Variants in ARHGEF4 observed in about 807,000 individuals in gnomAD.
The protein encoded by ARHGEF4 is APC-stimulated guanine nucleotide exchange factor 1.
Under a neutral mutation model 162.0 loss-of-function variants are expected in ARHGEF4, and 119 were observed. The ratio of observed to expected loss-of-function variants is 0.73; its 90% confidence interval spans 0.63 to 0.86. ARHGEF4 has a LOEUF of 0.86. Ranked by LOEUF, ARHGEF4 falls within the 40% of genes least tolerant of loss-of-function variation. The probability of loss-of-function intolerance (pLI) is 0.00; values close to 1 mark genes in which losing one functional copy is unlikely to be tolerated. For synonymous variants in ARHGEF4, 1,014 were observed against 979.9 expected, an observed-to-expected ratio of 1.03 and a Z score of -0.65; for missense variants, 2,488 against 2,456.0, an observed-to-expected ratio of 1.01 and a Z score of -0.28.
chr2:130,918,555 C>T (rs1312405942), intron 2 of ARHGEF4, among the ~76,000 whole-genome samples: 2 of 152,236 alleles, frequency 1.3e-5, no homozygotes, highest in Non-Finnish European at 2.9e-5. Flanking sequence ...CTCTCGGGCG[C>T]TCCCCTCCGC....
At chr2:130,852,896 C>T (rs1040388377) in intron 1 of ARHGEF4, among the ~76,000 whole-genome samples, 1 of 152,202 alleles carries the variant, frequency 6.6e-6, no homozygotes, top group African/African-American at 2.4e-5. Context: ...ACAAGGGCAG[C>T]CTTGGCAGCT....
chr2:131,011,434 G>A (rs1266241238), intron 4 of ARHGEF4, among the ~76,000 whole-genome samples: 1 of 152,150 alleles, frequency 6.6e-6, no homozygotes, highest in Non-Finnish European at 1.5e-5. Flanking sequence ...GACAGTGTCA[G>A]GGTTGGTAGG....
At chr2:130,912,729 T>G (rs866851668) in intron 1 of ARHGEF4, among the ~76,000 whole-genome samples, 4 of 151,866 alleles carry the variant, frequency 2.6e-5, no homozygotes, top group South Asian at 2.1e-4. Context: ...TGCACAGCAG[T>G]TTGTCAGAGT....
intron 5 of ARHGEF4, among the ~76,000 whole-genome samples, chr2:131,029,172 C>A (rs6720876): frequency 0.016 from 2,448 of 152,102 alleles, 72 homozygotes; most frequent in African/African-American, 0.055. Flanking sequence ...ACCAGCCTGG[C>A]CAACACTGAA....
Position 130,914,336 on chromosome 2 carries a change from A to C in ARHGEF4, c.390A>C (p.Glu130Asp), listed in dbSNP as rs1681365615. The change falls in exon 2 of 14, where the codon GAA becomes GAC. Residue 130 changes from glutamate (E) to aspartate (D), a missense_variant. Glu to Asp is a conservative substitution (Grantham distance 45). Transcript: ENST00000409359. Reference protein sequence around the residue: ...TSVPGLHAKEELDLSPSLEDD... With the variant: ...TSVPGLHAKEDLDLSPSLEDD... ...TTCCTGGGCTTCATGCAAAGGAAGA[A>C]CTCGATTTGTCCCCTAGCTTAGAGG... 7.5e-6 allele frequency: 11 copies of C among 1,470,624 alleles called. No homozygotes were observed. Among genetic ancestry groups the C allele is most frequent in the Non-Finnish European group, 7.2e-6 (8 of 1,115,974 alleles). The allele number at this position is 1,470,624 out of a possible 1,614,324, so 91.1% of individuals were successfully genotyped here.
chr2:130,872,126 A>G (rs529709489), intron 1 of ARHGEF4, among the ~76,000 whole-genome samples: 1 of 152,374 alleles, frequency 6.6e-6, no homozygotes, highest in African/African-American at 2.4e-5. Context: ...TCTGCTGGAA[A>G]TAGGCTTAGC....
chr2:131,044,719 A>T (rs1467497675), intron 12 of ARHGEF4, among the ~76,000 whole-genome samples, 177 bp downstream of exon 12: 1 of 152,250 alleles, frequency 6.6e-6, no homozygotes. Context: ...TCATCACCTC[A>T]ATGGCAGGGT....
intron 4 of ARHGEF4, among the ~76,000 whole-genome samples, chr2:130,992,649 C>T (rs1336215864): frequency 2.0e-5 from 3 of 152,156 alleles, no homozygotes; most frequent in Non-Finnish European, 4.4e-5. Context: ...CGAGGGTCTG[C>T]GGCTTCATTC....
At chr2:130,937,607 G>A (rs1683038673) in intron 3 of ARHGEF4, among the ~76,000 whole-genome samples, 1 of 150,884 alleles carries the variant, frequency 6.6e-6, no homozygotes, top group South Asian at 2.1e-4. Flanking sequence ...CTCAGGGATG[G>A]TTCTTGTTCA....
chr2:130,853,189 G>T (rs539135068), intron 1 of ARHGEF4, among the ~76,000 whole-genome samples: 1 of 152,326 alleles, frequency 6.6e-6, no homozygotes, highest in South Asian at 2.1e-4. Context: ...TCTGCCAGAG[G>T]ATCTGCATGA....
chr2:130,837,027 C>T (rs1352323909), intron 1 of ARHGEF4, 35 bp downstream of exon 1: 2 of 1,226,650 alleles, frequency 1.6e-6, no homozygotes, highest in Non-Finnish European at 2.0e-6. Context: ...CGGTCGGGCT[C>T]CCGGCGCCCT....
At chr2:130,977,225 G>A (rs1685797612) in intron 4 of ARHGEF4, among the ~76,000 whole-genome samples, 1 of 151,640 alleles carries the variant, frequency 6.6e-6, no homozygotes, top group Admixed American at 6.6e-5. Flanking sequence ...CGGTGTGCGT[G>A]TGATGTGTGT....
At chr2:130,995,372 G>A (rs921345317) in intron 4 of ARHGEF4, among the ~76,000 whole-genome samples, 1 of 152,086 alleles carries the variant, frequency 6.6e-6, no homozygotes, top group African/African-American at 2.4e-5. Context: ...TTTCTTTCCT[G>A]GAGTTTTTAC....
In ARHGEF4 at chr2:130,915,996, C is replaced by T; in HGVS notation, c.2050C>T (p.Pro684Ser). The change falls in exon 2 of 14, where the codon CCA (proline) becomes TCA (serine). Residue 684 changes from proline (P) to serine (S), a missense_variant. By Grantham distance (74) the Pro-to-Ser change is moderately conservative. Coordinates refer to ENST00000409359, the MANE Select transcript of ARHGEF4 (RefSeq NM_001367493.1). ...PCESPTRGKTPAGNECELPAA... is the reference protein window; with the variant it reads ...PCESPTRGKTSAGNECELPAA... ...TGAGTCTCCCACTAGGGGGAAAACA[C>T]CAGCCGGTAATGAGTGTGAGTTGCC... 1 of 1,550,506 alleles carries T rather than the reference C, an allele frequency of 6.4e-7. No individual in the cohort carries two copies. The highest frequency in any genetic ancestry group is 8.7e-7 in the Non-Finnish European group (1 of 1,146,964).
chr2:130,940,671 A>G (rs1280705996), intron 3 of ARHGEF4, among the ~76,000 whole-genome samples: 1 of 145,468 alleles, frequency 6.9e-6, no homozygotes, highest in South Asian at 2.2e-4. Flanking sequence ...TACTAAAAAT[A>G]AAAAAAAAAA....
chr2:130,984,845 G>A (rs929285454), intron 4 of ARHGEF4, among the ~76,000 whole-genome samples: 6 of 152,090 alleles, frequency 3.9e-5, no homozygotes, highest in Middle Eastern at 3.4e-3. Flanking sequence ...TTTCTCCATC[G>A]GTTAGGCTTT....
At chr2:130,886,071 A>T (rs769656725) in intron 1 of ARHGEF4, among the ~76,000 whole-genome samples, 3 of 151,936 alleles carry the variant, frequency 2.0e-5, no homozygotes, top group Non-Finnish European at 2.9e-5. Context: ...TTCTTTCTGG[A>T]CTGCTTGGTG....
At chr2:130,940,301 G>A (rs2105131074) in intron 3 of ARHGEF4, among the ~76,000 whole-genome samples, 1 of 152,190 alleles carries the variant, frequency 6.6e-6, no homozygotes, top group Admixed American at 6.5e-5. Flanking sequence ...CATAAAAGGA[G>A]ACACTTTCCT....
At chr2:131,012,231 G>GT (rs1287450901) in intron 4 of ARHGEF4, among the ~76,000 whole-genome samples, 4 of 152,022 alleles carry the variant, frequency 2.6e-5, no homozygotes, top group Admixed American at 2.6e-4. Flanking sequence ...TGTGGAGAGG[G>GT]TTGGGCATTG....
Sources: allele counts gnomAD v4.1 joint callset (sites outside exome capture counted in the v4.1 genomes callset), GRCh38; gene constraint gnomAD v4.1.1; transcripts MANE v1.5; gene names NCBI Gene and HGNC (gene_info 2026-07-23, HGNC 2026-07-21).